COL5A2: variants seen among roughly 807,000 people sequenced by gnomAD.
COL5A2 encodes the protein collagen type V alpha 2 chain, also known as collagen alpha-2(V) chain.
In COL5A2, 23 loss-of-function variants were observed where a neutral mutation model predicts 208.2. That is an observed-to-expected ratio of 0.11 (90% confidence interval 0.08 to 0.16). The LOEUF (loss-of-function observed/expected upper bound fraction) is 0.16, where lower values mean the gene tolerates loss of function less well. Among genes scored for constraint, COL5A2 ranks in the 10% least tolerant of loss-of-function variants. The pLI, the probability that COL5A2 is intolerant of heterozygous loss-of-function variation, is 1.00. For missense variants in COL5A2, 1,590 were observed against 1,956.4 expected (o/e 0.81, Z 3.53); for synonymous variants, 625 against 628.5 (o/e 0.99, Z 0.08).
intron 13 of COL5A2, 41 bp downstream of exon 13, chr2:189,080,949 A>G (rs1352362635): frequency 6.4e-6 from 10 of 1,551,460 alleles, no homozygotes; most frequent in Non-Finnish European, 8.0e-6. Context: ...CCTGTTCACT[A>G]AACCACAGTA....
the COL5A2 span, among the ~76,000 whole-genome samples, chr2:189,423,873 G>C: frequency 1.3e-5 from 2 of 151,302 alleles, no homozygotes; most frequent in South Asian, 4.1e-4. Context: ...TATGAGACTA[G>C]CATACCAAAT....
intron 1 of COL5A2, among the ~76,000 whole-genome samples, chr2:189,135,238 A>G (rs972210856): frequency 2.3e-4 from 35 of 152,352 alleles, no homozygotes; most frequent in African/African-American, 7.7e-4. Flanking sequence ...ACAGATGCTC[A>G]TGGATTACTG....
intron 1 of COL5A2, among the ~76,000 whole-genome samples, chr2:189,137,704 G>A (rs977176066): frequency 5.3e-5 from 8 of 152,078 alleles, no homozygotes; most frequent in African/African-American, 4.8e-5. Flanking sequence ...AGTTGGGGGC[G>A]GGGGATGGGT....
the COL5A2 span, among the ~76,000 whole-genome samples, chr2:189,381,276 G>C: frequency 6.6e-6 from 1 of 151,874 alleles, no homozygotes; most frequent in Non-Finnish European, 1.5e-5. Context: ...TATCTCTGAT[G>C]AAGAAACATC....
At position 189,050,639 on chromosome 2, in the gene COL5A2, C is replaced by G. The variant is rs1263939184; in HGVS notation, c.2969G>C (p.Gly990Ala). ...DGPPGPAGTT[G>A]QRGIVGMPGQ... is the part of the protein sequence containing the mutation. ...AGGCATGCCAACAATTCCTCTCTGC[C>G]CGGTCGTTCCAGCTGGACCAGGGGG... The change falls in exon 43 of 54, where the codon GGG becomes GCG. Residue 990 changes from glycine to alanine, a missense_variant. Transcript: ENST00000374866. 2 of 1,552,566 alleles carry G rather than the reference C, an allele frequency of 1.3e-6. No individual in the cohort carries two copies. The highest frequency in any genetic ancestry group is 1.7e-6 in the Non-Finnish European group (2 of 1,147,426).
the COL5A2 span, among the ~76,000 whole-genome samples, chr2:189,324,881 G>A: frequency 2.0e-5 from 3 of 152,046 alleles, no homozygotes; most frequent in East Asian, 1.9e-4. Context: ...TGTCTATTGC[G>A]GCACTACTCA....
the COL5A2 span, among the ~76,000 whole-genome samples, chr2:189,338,444 G>GCTCCA: frequency 6.6e-6 from 1 of 151,770 alleles, no homozygotes; most frequent in Non-Finnish European, 1.5e-5. Context: ...CCCTCAACCA[G>GCTCCA]CTCCACTCCA....
At chr2:189,424,742 C>T in the COL5A2 span, among the ~76,000 whole-genome samples, 3 of 152,100 alleles carry the variant, frequency 2.0e-5, no homozygotes, top group Non-Finnish European at 4.4e-5. Context: ...GTCCACACTA[C>T]CCAAATATAT....
the COL5A2 span, among the ~76,000 whole-genome samples, chr2:189,299,729 G>T: frequency 6.6e-6 from 1 of 152,164 alleles, no homozygotes; most frequent in Non-Finnish European, 1.5e-5. Flanking sequence ...GAGAACAATC[G>T]ATCTGTTTTG....
the COL5A2 span, among the ~76,000 whole-genome samples, chr2:189,332,882 G>A: frequency 1.3e-5 from 2 of 152,166 alleles, no homozygotes; most frequent in African/African-American, 4.8e-5. Context: ...GAACAGTTGT[G>A]TTTTGGAGAC....
At chr2:189,197,905 A>G (rs1263351577) in intron 1 of COL5A2, among the ~76,000 whole-genome samples, 1 of 150,430 alleles carries the variant, frequency 6.6e-6, no homozygotes, top group East Asian at 2.0e-4. Context: ...GCTGGAGTGC[A>G]GCGGCACGAT....
chr2:189,224,936 G>A (rs1325805246), intron 1 of COL5A2, among the ~76,000 whole-genome samples: 1 of 151,808 alleles, frequency 6.6e-6, no homozygotes, highest in African/African-American at 2.4e-5. Context: ...TCTTTTAACA[G>A]AAAGACAGAC....
At chr2:189,401,256 C>G in the COL5A2 span, among the ~76,000 whole-genome samples, 14 of 152,052 alleles carry the variant, frequency 9.2e-5, no homozygotes, top group Admixed American at 3.3e-4. Flanking sequence ...TTGTTGTCCC[C>G]CTTATGTGTC....
At chr2:189,206,144 A>ACTCCT (rs1344870297) in intron 1 of COL5A2, among the ~76,000 whole-genome samples, 2 of 152,202 alleles carry the variant, frequency 1.3e-5, no homozygotes, top group Admixed American at 1.3e-4. Flanking sequence ...ACTCCATAGA[A>ACTCCT]AGGATGTGTA....
chr2:189,264,704 G>A, the COL5A2 span, among the ~76,000 whole-genome samples: 11 of 151,976 alleles, frequency 7.2e-5, no homozygotes, highest in African/African-American at 2.6e-4. Flanking sequence ...CTCATAAAAA[G>A]CAATAAAATT....
the COL5A2 span, among the ~76,000 whole-genome samples, chr2:189,347,769 A>AT: frequency 6.6e-6 from 1 of 152,312 alleles, no homozygotes; most frequent in East Asian, 1.9e-4. Context: ...CTATTAGAAG[A>AT]TTTTCTAAGG....
the COL5A2 span, among the ~76,000 whole-genome samples, chr2:189,393,633 A>G: frequency 6.6e-6 from 1 of 152,176 alleles, no homozygotes; most frequent in South Asian, 2.1e-4. Context: ...GTTCCCCTGG[A>G]CAACAGTGAC....
At chr2:189,347,651 AT>A in the COL5A2 span, among the ~76,000 whole-genome samples, 1 of 152,088 alleles carries the variant, frequency 6.6e-6, no homozygotes, top group Non-Finnish European at 1.5e-5. Context: ...CCATGGACTT[AT>A]TTTTAAAAGG....
chr2:189,371,842 T>C, the COL5A2 span, among the ~76,000 whole-genome samples: 7 of 152,180 alleles, frequency 4.6e-5, no homozygotes, highest in Non-Finnish European at 1.0e-4. Flanking sequence ...AAAAACCATT[T>C]TCAGGATTGG....
Sources: gnomAD v4.1 joint callset for allele counts (sites outside exome capture counted in the v4.1 genomes callset) on GRCh38, gnomAD v4.1.1 for gene constraint, MANE v1.5 for transcripts, NCBI Gene and HGNC (gene_info 2026-07-23, HGNC 2026-07-21) for gene names.